Variants in EPHA6 observed in about 807,000 individuals in gnomAD.
EPHA6 encodes ephrin type-A receptor 6.
A neutral mutation model predicts 112.0 loss-of-function variants in EPHA6; 50 were observed. That is an observed-to-expected ratio of 0.45 (90% CI 0.36 to 0.56). The LOEUF is 0.56. Among genes scored for constraint, EPHA6 ranks in the 20% least tolerant of loss-of-function variants. The probability of loss-of-function intolerance (pLI) is 0.00; values close to 1 mark genes in which losing one functional copy is unlikely to be tolerated. For synonymous variants in EPHA6, 529 were observed against 490.7 expected, an observed-to-expected ratio of 1.08 and a Z score of -1.03; for missense variants, 1,280 against 1,417.4, an observed-to-expected ratio of 0.90 and a Z score of 1.56.
intron 14 of EPHA6, among the ~76,000 whole-genome samples, chr3:97,702,198 C>T (rs1405657953): frequency 6.6e-6 from 1 of 152,144 alleles, no homozygotes; most frequent in African/African-American, 2.4e-5. Flanking sequence ...AGGGTCAAAA[C>T]TATGCATTTT....
intron 5 of EPHA6, among the ~76,000 whole-genome samples, chr3:97,321,436 A>C (rs753085240): frequency 4.6e-5 from 7 of 151,972 alleles, no homozygotes; most frequent in Non-Finnish European, 8.8e-5. Flanking sequence ...CATATATTCA[A>C]ATCAATTACT....
intron 2 of EPHA6, among the ~76,000 whole-genome samples, chr3:96,882,254 G>C (rs144776477): frequency 6.6e-6 from 1 of 152,194 alleles, no homozygotes; most frequent in Admixed American, 6.5e-5. Context: ...CTCCATGAGA[G>C]CCCTGCCCCT....
rs75686432 is a variant in EPHA6, at chr3:97,150,452, G to A, written c.1115-75812G>A. 1.4e-4 allele frequency among the ~76,000 whole-genome samples: 21 copies of A among 152,132 alleles called. No homozygotes were observed. In the East Asian group the frequency reaches 3.9e-3, roughly 28 times the overall value. ...TGTCTTACTCTGCAGCAACGTTTAG[G>A]CTACCTTACCTTTTTAACCTAGCTT... On this transcript the variant is annotated intron_variant, in intron 3 of 17. Transcript: ENST00000389672.
At chr3:97,086,096 A>G (rs2046892428) in intron 3 of EPHA6, among the ~76,000 whole-genome samples, 1 of 151,202 alleles carries the variant, frequency 6.6e-6, no homozygotes, top group Non-Finnish European at 1.5e-5. Flanking sequence ...CACTGTACCC[A>G]TCTAATTTTT....
intron 10 of EPHA6, among the ~76,000 whole-genome samples, chr3:97,513,583 A>G (rs2092400376): frequency 6.6e-6 from 1 of 152,108 alleles, no homozygotes; most frequent in South Asian, 2.1e-4. Flanking sequence ...ACAGAAGGAC[A>G]CATACCACAT....
chr3:97,168,728 C>T (rs2076608650), intron 3 of EPHA6, among the ~76,000 whole-genome samples: 1 of 152,076 alleles, frequency 6.6e-6, no homozygotes, highest in Non-Finnish European at 1.5e-5. Flanking sequence ...GCCTGTACAG[C>T]CCCAAAGAAT....
intron 14 of EPHA6, among the ~76,000 whole-genome samples, chr3:97,707,535 A>T (rs1026175170): frequency 6.6e-6 from 1 of 152,210 alleles, no homozygotes; most frequent in Non-Finnish European, 1.5e-5. Flanking sequence ...AAAATACAGC[A>T]TATTGTGTTG....
At chr3:97,506,719 A>T (rs1057373877) in intron 10 of EPHA6, among the ~76,000 whole-genome samples, 1 of 152,216 alleles carries the variant, frequency 6.6e-6, no homozygotes, top group Non-Finnish European at 1.5e-5. Context: ...AGTCAATGGT[A>T]GATTGATGGG....
At chr3:96,888,364 G>A (rs1014137534) in intron 2 of EPHA6, among the ~76,000 whole-genome samples, 2 of 152,120 alleles carry the variant, frequency 1.3e-5, no homozygotes, top group African/African-American at 2.4e-5. Context: ...TTCACCAGTT[G>A]GGGTGTATGT....
chr3:96,918,010 G>C (rs866915374), intron 2 of EPHA6, among the ~76,000 whole-genome samples: 23 of 152,084 alleles, frequency 1.5e-4, no homozygotes, highest in Admixed American at 2.6e-4. Context: ...CAAAACTTAC[G>C]TCTAAAAAAT....
At chr3:96,905,022 T>G (rs2038854252) in intron 2 of EPHA6, among the ~76,000 whole-genome samples, 1 of 152,128 alleles carries the variant, frequency 6.6e-6, no homozygotes, top group Non-Finnish European at 1.5e-5. Context: ...AGCCATATAT[T>G]CTTTACTGGT....
At chr3:96,910,675 T>G (rs1266693655) in intron 2 of EPHA6, among the ~76,000 whole-genome samples, 2 of 152,026 alleles carry the variant, frequency 1.3e-5, no homozygotes, top group Non-Finnish European at 1.5e-5. Flanking sequence ...CAAATGCCAT[T>G]TGAGCAAAGG....
intron 14 of EPHA6, 46 bp from the exon 15 acceptor site, chr3:97,720,215 T>C (rs1173762082): frequency 6.8e-7 from 1 of 1,465,020 alleles, no homozygotes; most frequent in Non-Finnish European, 9.0e-7. Flanking sequence ...ATTTTGTTTT[T>C]AATACAACGA....
chr3:97,600,495 A>G (rs912349425), intron 12 of EPHA6, among the ~76,000 whole-genome samples: 6 of 151,976 alleles, frequency 3.9e-5, no homozygotes, highest in African/African-American at 1.5e-4. Flanking sequence ...GAATTTTGTC[A>G]AAGGCTTTTT....
chr3:97,661,909 G>A (rs2094172159), intron 14 of EPHA6, among the ~76,000 whole-genome samples: 1 of 152,170 alleles, frequency 6.6e-6, no homozygotes, highest in South Asian at 2.1e-4. Flanking sequence ...AATCTGCACA[G>A]CTCTGAGACT....
intron 3 of EPHA6, among the ~76,000 whole-genome samples, chr3:97,131,830 C>T (rs929604167): frequency 1.3e-5 from 2 of 152,182 alleles, no homozygotes; most frequent in Middle Eastern, 3.4e-3. Flanking sequence ...GATGTCTATA[C>T]GTTATTATAC....
At chr3:97,278,520 C>T (rs2080174768) in intron 5 of EPHA6, among the ~76,000 whole-genome samples, 1 of 152,082 alleles carries the variant, frequency 6.6e-6, no homozygotes, top group Non-Finnish European at 1.5e-5. Context: ...CTTGCTGCAC[C>T]AAACTGTCAA....
intron 2 of EPHA6, among the ~76,000 whole-genome samples, chr3:96,874,150 G>A (rs1255667536): frequency 6.6e-6 from 1 of 152,088 alleles, no homozygotes; most frequent in African/African-American, 2.4e-5. Flanking sequence ...GGCTGACCAA[G>A]AGCAGACTTA....
intron 3 of EPHA6, among the ~76,000 whole-genome samples, chr3:97,116,206 C>T (rs1430473482): frequency 6.6e-6 from 1 of 151,724 alleles, no homozygotes; most frequent in East Asian, 1.9e-4. Context: ...TTGTTTACTT[C>T]CTCCATCTTT....
Sources: allele counts gnomAD v4.1 joint callset (sites outside exome capture counted in the v4.1 genomes callset), GRCh38; gene constraint gnomAD v4.1.1; transcripts MANE v1.5; gene names NCBI Gene and HGNC (gene_info 2026-07-23, HGNC 2026-07-21).